The following TRPV2 variants were observed in gnomAD, a reference collection of about 807,000 sequenced individuals.
The protein encoded by TRPV2 is transient receptor potential cation channel subfamily V member 2.
A neutral mutation model predicts 91.0 loss-of-function variants in TRPV2; 58 were observed. That is an observed-to-expected ratio of 0.64 (90% CI 0.52 to 0.79). The LOEUF (loss-of-function observed/expected upper bound fraction) is 0.79. Among genes scored for constraint, TRPV2 ranks in the 30% least tolerant of loss-of-function variants. The probability of loss-of-function intolerance (pLI) is 0.00; values close to 1 mark genes in which losing one functional copy is unlikely to be tolerated. For missense variants in TRPV2, 807 were observed against 969.6 expected, an observed-to-expected ratio of 0.83 and a Z score of 2.23; for synonymous variants, 417 against 414.8, an observed-to-expected ratio of 1.01 and a Z score of -0.06.
In TRPV2 at chr17:16,431,951, C is replaced by T; in HGVS notation, c.1655-15C>T. 6.2e-7 allele frequency: 1 copy of T among 1,609,216 alleles called. No homozygotes were observed. Among genetic ancestry groups the T allele is most frequent in the Non-Finnish European group, 8.5e-7 (1 of 1,177,004 alleles). On this transcript the variant is annotated splice_polypyrimidine_tract_variant and intron_variant, in intron 11 of 14. Transcript: ENST00000338560. ...GGTCTCCTGGGCTAAGGACCCCTCT[C>T]CCTTCATCCCATAGCCCTGGTGAGC...
intron 5 of TRPV2, among the ~76,000 whole-genome samples, chr17:16,424,826 G>A (rs2093375391): frequency 6.6e-6 from 1 of 150,968 alleles, no homozygotes; most frequent in Non-Finnish European, 1.5e-5. Flanking sequence ...TAATCTGCAA[G>A]TGTGACTATC....
intron 2 of TRPV2, chr17:16,419,290 T>G: frequency 4.2e-6 from 2 of 470,680 alleles, no homozygotes; most frequent in Non-Finnish European, 8.8e-6. Context: ...CGCTGCTAGA[T>G]TCTAGATTCT....
chr17:16,427,908 C>G (rs2093391383), intron 8 of TRPV2, among the ~76,000 whole-genome samples: 1 of 152,176 alleles, frequency 6.6e-6, no homozygotes, highest in African/African-American at 2.4e-5. Context: ...GCTATTTCCC[C>G]CAGTAGGGCC....
chr17:16,433,045 TACA>T (rs2093420640), intron 12 of TRPV2, among the ~76,000 whole-genome samples: 1 of 152,224 alleles, frequency 6.6e-6, no homozygotes, highest in Non-Finnish European at 1.5e-5. Context: ...CCTCAGGTGA[TACA>T]CCTGCCTCGG....
At position 16,426,595 on chromosome 17, in the gene TRPV2, G is replaced by T; in HGVS notation, c.1096-127G>T. The T allele has an allele frequency of 2.6e-6, 3 of 1,143,250 alleles. No individual in the cohort carries two copies. The highest frequency in any genetic ancestry group is 1.6e-5 in the African/African-American group (1 of 64,270). 70.8% of individuals were successfully genotyped at this position (1,143,250 alleles called of 1,614,324 possible). A position where few individuals can be genotyped will look rare whatever the true frequency, so the allele number is the denominator to read the frequency against. ...TGGCGTGAGGTCCTTTGGGGCTCCT[G>T]GGGTGTGGAAGCCTGCTCCCTGTCC... On this transcript the variant is annotated intron_variant, in intron 6 of 14. Coordinates refer to ENST00000338560, the MANE Select transcript of TRPV2 (RefSeq NM_016113.5). This position sits in a 1 kb window ranked among gnomAD's most constrained non-coding sequence, Gnocchi z 6.0.
In TRPV2 at chr17:16,423,732, C is replaced by T. The variant is rs755105135; in HGVS notation, c.889C>T (p.Pro297Ser). The change falls in exon 5 of 15, where the codon CCT (proline) becomes TCT (serine). Residue 297 changes from proline (P) to serine (S), a missense_variant. Transcript: ENST00000338560. Reference protein sequence around the residue: ...EDIRNLQDLTPLKLAAKEGKI... With the variant: ...EDIRNLQDLTSLKLAAKEGKI... ...CATCCGCAACCTGCAGGATCTCACGCCTCTGAAGCTGGCCGCCAAGGAGGG... is the reference window on the plus strand; with the variant it reads ...CATCCGCAACCTGCAGGATCTCACGTCTCTGAAGCTGGCCGCCAAGGAGGG... 6.3e-7 allele frequency: 1 copy of T among 1,596,302 alleles called. No homozygotes were observed. The highest frequency in any genetic ancestry group is 1.1e-5 in the South Asian group (1 of 90,222).
Position 16,433,610 on chromosome 17 carries a change from T to C in TRPV2, c.2026T>C (p.Trp676Arg), listed in dbSNP as rs1329244438. 2 of 1,614,048 alleles carry C rather than the reference T, an allele frequency of 1.2e-6. No individual in the cohort carries two copies. Among genetic ancestry groups the C allele is most frequent in the Non-Finnish European group, 1.7e-6 (2 of 1,180,040 alleles). Residue 676 changes from tryptophan (W) to arginine (R), a missense_variant, in exon 13 of 15, where the codon TGG becomes CGG. Coordinates refer to ENST00000338560, the MANE Select transcript of TRPV2 (RefSeq NM_016113.5). ...TGTCCTGGAGATGGAGAATGGCTAT[T>C]GGTGGTGCAGGAAGAAGCAGCGGGC... Reference protein sequence around the residue: ...ISVLEMENGYWWCRKKQRAGV... With the variant: ...ISVLEMENGYRWCRKKQRAGV...
At chr17:16,434,810 T>TG (rs1156491048) in intron 13 of TRPV2, 80 bp from the exon 14 acceptor site, 1 of 1,383,148 alleles carries the variant, frequency 7.2e-7, no homozygotes, top group South Asian at 1.2e-5. Flanking sequence ...TCTCCCAATT[T>TG]GGGGGGCCAC....
intron 12 of TRPV2, among the ~76,000 whole-genome samples, chr17:16,432,863 T>C (rs947333876): frequency 3.3e-5 from 5 of 151,202 alleles, no homozygotes; most frequent in South Asian, 4.2e-4. Flanking sequence ...TGGAGTGCAA[T>C]GGTGCAATCT....
At chr17:16,419,857 G>T (rs1455050301) in intron 2 of TRPV2, among the ~76,000 whole-genome samples, 1 of 152,226 alleles carries the variant, frequency 6.6e-6, no homozygotes, top group Non-Finnish European at 1.5e-5. Flanking sequence ...AGCACCTGAT[G>T]CTGAAAAGTG....
rs1250277942 is a variant in TRPV2, at chr17:16,423,633, G to A, written c.790G>A (p.Ala264Thr). 6.2e-7 allele frequency: 1 copy of A among 1,613,246 alleles called. No individual in the cohort carries two copies. Among genetic ancestry groups the A allele is most frequent in the African/African-American group, 1.3e-5 (1 of 74,612 alleles). Reference sequence around the variant, plus strand: ...CTCGGACAACTCAGCTGAGAACATTGCACTGGTGACCAGCATGTATGATGG... The same window carrying A: ...CTCGGACAACTCAGCTGAGAACATTACACTGGTGACCAGCATGTATGATGG... ...MISDNSAENI[A>T]LVTSMYDGLL... Residue 264 changes from alanine (A) to threonine (T), a missense_variant, in exon 5 of 15, where the codon GCA (alanine) becomes ACA (threonine). Transcript: ENST00000338560.
At position 16,417,732 on chromosome 17, in the gene TRPV2, G is replaced by A; in HGVS notation, c.64G>A (p.Gly22Ser). ...LETLDGGQEDGSEADRGKLDF... is the reference protein window; with the variant it reads ...LETLDGGQEDSSEADRGKLDF... ...GACATTAGATGGAGGCCAAGAAGAT[G>A]GCTCTGAGGCGGACAGAGGAAAGCT... The change falls in exon 2 of 15, where the codon GGC becomes AGC. Residue 22 changes from glycine to serine, a missense_variant. Gly to Ser is a moderately conservative substitution (Grantham distance 56). Transcript: ENST00000338560. 1 of 1,614,242 alleles carries A rather than the reference G, an allele frequency of 6.2e-7. No individual in the cohort carries two copies. Among genetic ancestry groups the A allele is most frequent in the Non-Finnish European group, 8.5e-7 (1 of 1,180,050 alleles).
At chr17:16,420,807 G>C (rs981482045) in intron 3 of TRPV2, among the ~76,000 whole-genome samples, 1 of 152,140 alleles carries the variant, frequency 6.6e-6, no homozygotes, top group Non-Finnish European at 1.5e-5. Flanking sequence ...GGAGAGATGG[G>C]GTTTTGCCAT....
rs370180667 is a variant in TRPV2 at position 16,431,987 on chromosome 17, A to G, written c.1676A>G (p.Glu559Gly). ...ATAGCCCTGGTGAGCCTGAGCCAGG[A>G]GGCTTGGCGCCCCGAAGCTCCTACA... ...FAVALVSLSQ[E>G]AWRPEAPTGP... Residue 559 changes from glutamate (E) to glycine (G), a missense_variant, in exon 12 of 15, where the codon GAG becomes GGG. Glu to Gly is a moderately conservative substitution (Grantham distance 98). Coordinates refer to ENST00000338560, the MANE Select transcript of TRPV2 (RefSeq NM_016113.5). 2.2e-5 allele frequency: 35 copies of G among 1,605,494 alleles called. No individual in the cohort carries two copies. Among genetic ancestry groups the G allele is most frequent in the Non-Finnish European group, 2.8e-5 (33 of 1,174,220 alleles).
At chr17:16,430,699 A>G (rs1364336429) in intron 10 of TRPV2, among the ~76,000 whole-genome samples, 3 of 151,744 alleles carry the variant, frequency 2.0e-5, no homozygotes, top group Non-Finnish European at 4.4e-5. Context: ...GTTGGCCAGG[A>G]TGGTCTTGAA....
chr17:16,427,522 G>A lies in TRPV2; in HGVS notation c.1325G>A (p.Gly442Glu). ...ACGGGCCACATCCTTATCCTGCTAG[G>A]GGGGATCTACCTCCTCGTGGGCCAG... ...LLTGHILILLGGIYLLVGQLW... is the reference protein window; with the variant it reads ...LLTGHILILLEGIYLLVGQLW... Residue 442 changes from glycine (G) to glutamate (E), a missense_variant, in exon 8 of 15, where the codon GGG becomes GAG. Coordinates refer to ENST00000338560, the MANE Select transcript of TRPV2 (RefSeq NM_016113.5). 1 of 1,613,256 alleles carries A rather than the reference G, an allele frequency of 6.2e-7. No individual in the cohort carries two copies. Among genetic ancestry groups the A allele is most frequent in the East Asian group, 2.2e-5 (1 of 44,864 alleles).
rs377162362 is a variant in TRPV2, at chr17:16,426,885, C to T, written c.1251+8C>T. On this transcript the variant is annotated splice_region_variant and intron_variant, in intron 7 of 14. Coordinates refer to ENST00000338560, the MANE Select transcript of TRPV2 (RefSeq NM_016113.5). This position sits in a 1 kb window ranked among gnomAD's most constrained non-coding sequence, Gnocchi z 6.0. ...CAGCCTACCCTGAAGAAGGCAAGGG[C>T]GTGAGGTTTGGGGGGGCACATCTTG... The T allele has an allele frequency of 1.6e-5, 25 of 1,605,996 alleles. No individual in the cohort carries two copies. The highest frequency in any genetic ancestry group is 7.8e-5 in the South Asian group (7 of 90,276).
Position 16,420,233 on chromosome 17 carries a change from G to A in TRPV2, c.319G>A (p.Asp107Asn), listed in dbSNP as rs757322864. The A allele has an allele frequency of 8.9e-5, 143 of 1,613,660 alleles. 1 individual carries two copies. The Middle Eastern group carries it at 1.3e-3, about 15-fold the overall frequency. Residue 107 changes from aspartate to asparagine, a missense_variant, in exon 3 of 15, where the codon GAC (aspartate) becomes AAC (asparagine). Asp to Asn is a conservative substitution (Grantham distance 23, BLOSUM62 1). Coordinates refer to ENST00000338560, the MANE Select transcript of TRPV2 (RefSeq NM_016113.5). ...GAGCAAGACCAGCAAGTACCTCACC[G>A]ACTCGGAATACACAGGTAGACCCTG... Reference protein sequence around the residue: ...YLSKTSKYLTDSEYTEGSTGK... With the variant: ...YLSKTSKYLTNSEYTEGSTGK...
chr17:16,432,032 C>T lies in TRPV2; in HGVS notation c.1721C>T (p.Ser574Leu), dbSNP rs1165102858. The T allele has an allele frequency of 6.2e-7, 1 of 1,611,886 alleles. No homozygotes were observed. Among genetic ancestry groups the T allele is most frequent in the Non-Finnish European group, 8.5e-7 (1 of 1,178,354 alleles). ...EAPTGPNATE[S>L]VQPMEGQEDE... is the part of the protein sequence containing the mutation. ...CCTACAGGCCCCAATGCCACAGAGT[C>T]AGTGCAGCCCATGGAGGGACAGGAG... The change falls in exon 12 of 15, where the codon TCA becomes TTA. Residue 574 changes from serine to leucine, a missense_variant. Transcript: ENST00000338560.
Sources: gnomAD v4.1 joint callset for allele counts (sites outside exome capture counted in the v4.1 genomes callset) on GRCh38, gnomAD v4.1.1 for gene constraint, Gnocchi (gnomAD v3.1) non-coding constraint, MANE v1.5 for transcripts, NCBI Gene and HGNC (gene_info 2026-07-23, HGNC 2026-07-21) for gene names.